The following ITGA9 variants were observed in gnomAD, a reference collection of about 807,000 sequenced individuals.
The protein encoded by ITGA9 is integrin subunit alpha 9.
A neutral mutation model predicts 127.8 loss-of-function variants in ITGA9; 56 were observed. The ratio of observed to expected loss-of-function variants is 0.44; its 90% confidence interval spans 0.35 to 0.55. ITGA9 has a LOEUF of 0.55. Among genes scored for constraint, ITGA9 ranks in the 20% least tolerant of loss-of-function variants. The pLI is 0.00. For missense variants in ITGA9, 1,196 were observed against 1,347.1 expected, an observed-to-expected ratio of 0.89 and a Z score of 1.76; for synonymous variants, 508 against 514.5, an observed-to-expected ratio of 0.99 and a Z score of 0.17.
intron 4 of ITGA9, among the ~76,000 whole-genome samples, chr3:37,493,919 A>C (rs1266416738): frequency 1.3e-5 from 2 of 152,088 alleles, no homozygotes; most frequent in Non-Finnish European, 2.9e-5. Flanking sequence ...TGGAGGAGAA[A>C]AGCTTATCTG....
At chr3:37,538,367 C>T (rs1402202027) in intron 14 of ITGA9, among the ~76,000 whole-genome samples, 2 of 152,218 alleles carry the variant, frequency 1.3e-5, no homozygotes, top group East Asian at 3.9e-4. Context: ...GGGGGCAGGG[C>T]AGGGAGGTGG....
At chr3:37,759,077 CCACACACACA>C (rs10565669) in intron 23 of ITGA9, among the ~76,000 whole-genome samples, 4 of 146,174 alleles carry the variant, frequency 2.7e-5, no homozygotes, top group Non-Finnish European at 6.0e-5. Flanking sequence ...ATATATATAC[CCACACACACA>C]CACACACACA....
At chr3:37,699,392 C>T (rs947436705) in intron 18 of ITGA9, among the ~76,000 whole-genome samples, 14 of 152,302 alleles carry the variant, frequency 9.2e-5, no homozygotes, top group Middle Eastern at 3.4e-3. Flanking sequence ...GAAACAGTAA[C>T]TCCATCCTTC....
At chr3:37,471,701 A>G (rs1698432816) in intron 2 of ITGA9, among the ~76,000 whole-genome samples, 1 of 152,192 alleles carries the variant, frequency 6.6e-6, no homozygotes, top group Non-Finnish European at 1.5e-5. Context: ...GGCCACTGAA[A>G]TCAATTTTGG....
intron 5 of ITGA9, among the ~76,000 whole-genome samples, chr3:37,497,259 G>A (rs1485355155): frequency 6.7e-6 from 1 of 149,532 alleles, no homozygotes; most frequent in Non-Finnish European, 1.5e-5. Flanking sequence ...TTTTTCTTAT[G>A]TTTTAAGTTT....
chr3:37,633,354 G>A (rs950220667), intron 16 of ITGA9, among the ~76,000 whole-genome samples: 11 of 152,138 alleles, frequency 7.2e-5, no homozygotes, highest in Non-Finnish European at 1.6e-4. Flanking sequence ...TAAAAATATT[G>A]TCAGTTGAAA....
At chr3:37,669,028 G>A (rs997501632) in intron 17 of ITGA9, among the ~76,000 whole-genome samples, 1 of 151,978 alleles carries the variant, frequency 6.6e-6, no homozygotes, top group Non-Finnish European at 1.5e-5. Flanking sequence ...TGACCTGTCC[G>A]TAAATCATTT....
intron 19 of ITGA9, 37 bp downstream of exon 19, chr3:37,732,835 G>A: frequency 3.4e-6 from 5 of 1,491,426 alleles, no homozygotes; most frequent in Non-Finnish European, 4.6e-6. Flanking sequence ...TCAGCAGCAG[G>A]CCCCCAGCCC....
intron 18 of ITGA9, among the ~76,000 whole-genome samples, chr3:37,704,490 C>G (rs573561846): frequency 6.6e-6 from 1 of 152,288 alleles, no homozygotes; most frequent in Admixed American, 6.5e-5. Flanking sequence ...CATGGTCTAT[C>G]CTGTTTTCTC....
intron 15 of ITGA9, among the ~76,000 whole-genome samples, chr3:37,572,302 C>T (rs1012827399): frequency 1.1e-4 from 17 of 152,070 alleles, no homozygotes; most frequent in African/African-American, 4.1e-4. Context: ...AAGTTCCCAA[C>T]AATTAGATAG....
chr3:37,695,111 G>T (rs1366965944), intron 18 of ITGA9, among the ~76,000 whole-genome samples: 1 of 152,202 alleles, frequency 6.6e-6, no homozygotes, highest in South Asian at 2.1e-4. Context: ...AGCTTAGGAA[G>T]CTGAGTTTTG....
chr3:37,466,444 A>G (rs1698371646), intron 1 of ITGA9, among the ~76,000 whole-genome samples: 2 of 131,598 alleles, frequency 1.5e-5, no homozygotes, highest in South Asian at 2.7e-4. Flanking sequence ...AGATCGCCGC[A>G]CTGCACTCCA....
intron 18 of ITGA9, among the ~76,000 whole-genome samples, chr3:37,711,523 C>T (rs1226753525): frequency 6.6e-6 from 1 of 152,172 alleles, no homozygotes; most frequent in Non-Finnish European, 1.5e-5. Context: ...TCCACCTCAG[C>T]CTCTGGAGTA....
At chr3:37,656,091 T>C (rs1243484784) in intron 17 of ITGA9, among the ~76,000 whole-genome samples, 1 of 152,248 alleles carries the variant, frequency 6.6e-6, no homozygotes, top group Non-Finnish European at 1.5e-5. Flanking sequence ...TTTTGGTTAC[T>C]GTGGCCTTGT....
At chr3:37,615,696 A>G (rs1449495310) in intron 15 of ITGA9, among the ~76,000 whole-genome samples, 1 of 152,034 alleles carries the variant, frequency 6.6e-6, no homozygotes, top group Non-Finnish European at 1.5e-5. Flanking sequence ...TAGTCTTGGG[A>G]GGGTGTATGT....
intron 19 of ITGA9, among the ~76,000 whole-genome samples, chr3:37,736,281 C>G (rs927828756): frequency 6.6e-6 from 1 of 152,190 alleles, no homozygotes; most frequent in African/African-American, 2.4e-5. Context: ...AATAGTCTTC[C>G]AATCCTAGCC....
intron 23 of ITGA9, among the ~76,000 whole-genome samples, chr3:37,765,101 A>T (rs1696765160): frequency 6.6e-6 from 1 of 152,150 alleles, no homozygotes; most frequent in East Asian, 1.9e-4. Context: ...GTGAGTGGTG[A>T]GACAAATGAA....
chr3:37,608,399 CAT>C (rs1298295369), intron 15 of ITGA9, among the ~76,000 whole-genome samples: 1 of 152,036 alleles, frequency 6.6e-6, no homozygotes, highest in Non-Finnish European at 1.5e-5. Context: ...TGCAAACAAA[CAT>C]AGATTTAGTG....
chr3:37,780,130 T>G (rs1286438994), intron 25 of ITGA9, 109 bp downstream of exon 25: 10 of 1,333,084 alleles, frequency 7.5e-6, no homozygotes, highest in Non-Finnish European at 9.6e-6. Context: ...ATTGGTGTCC[T>G]CATGACAATC....
Sources: gnomAD v4.1 joint callset for allele counts (sites outside exome capture counted in the v4.1 genomes callset) on GRCh38, gnomAD v4.1.1 for gene constraint, MANE v1.5 for transcripts, NCBI Gene and HGNC (gene_info 2026-07-23, HGNC 2026-07-21) for gene names.